The following RANBP10 variants were observed in gnomAD, a reference collection of about 807,000 sequenced individuals.
RANBP10 encodes RAN binding protein 10.
In RANBP10, 24 loss-of-function variants were observed where a neutral mutation model predicts 72.8. The ratio of observed to expected loss-of-function variants is 0.33; its 90% confidence interval spans 0.24 to 0.46. The LOEUF (loss-of-function observed/expected upper bound fraction) is 0.46. Ranked by LOEUF, RANBP10 falls within the 20% of genes least tolerant of loss-of-function variation. The pLI, the probability that RANBP10 is intolerant of heterozygous loss-of-function variation, is 1.00. For missense variants in RANBP10, 679 were observed against 817.5 expected, an observed-to-expected ratio of 0.83 and a Z score of 2.07; for synonymous variants, 310 against 322.3, an observed-to-expected ratio of 0.96 and a Z score of 0.41.
intron 3 of RANBP10, among the ~76,000 whole-genome samples, chr16:67,747,914 A>T (rs1223326923): frequency 1.4e-5 from 2 of 143,924 alleles, no homozygotes; most frequent in Non-Finnish European, 3.0e-5. Context: ...TCCGCCTCCC[A>T]GGTTCACGCC....
At chr16:67,749,660 AG>A (rs1394453428) in intron 3 of RANBP10, among the ~76,000 whole-genome samples, 1 of 152,190 alleles carries the variant, frequency 6.6e-6, no homozygotes, top group Non-Finnish European at 1.5e-5. Flanking sequence ...ATTTGACCTC[AG>A]AGAAATAGCT....
chr16:67,790,127 G>A (rs2054996965), intron 2 of RANBP10, among the ~76,000 whole-genome samples: 1 of 151,224 alleles, frequency 6.6e-6, no homozygotes, highest in Non-Finnish European at 1.5e-5. Flanking sequence ...AAGAAGAAAT[G>A]AAGTTATGAA....
At chr16:67,745,625 G>A (rs1033237302) in intron 3 of RANBP10, among the ~76,000 whole-genome samples, 3 of 152,038 alleles carry the variant, frequency 2.0e-5, no homozygotes, top group Non-Finnish European at 4.4e-5. Context: ...GTGAGCCACC[G>A]TACCTGGCCG....
chr16:67,775,497 T>A (rs917520966), intron 2 of RANBP10, among the ~76,000 whole-genome samples: 16 of 151,930 alleles, frequency 1.1e-4, no homozygotes, highest in Admixed American at 4.6e-4. Flanking sequence ...CTATCTCTGT[T>A]CACAGATGAC....
Position 67,723,191 on chromosome 16 carries a change from A to G in RANBP10, c.*3237T>C, listed in dbSNP as rs2053556162. ...GTTAGAGTTCTCTCTCCATCCTCCC[A>G]CACCCACAAGTTTCATGCTAATGCC... On this transcript the variant is annotated 3_prime_UTR_variant, in exon 14 of 14. Coordinates refer to ENST00000317506, the MANE Select transcript of RANBP10 (RefSeq NM_020850.3). The G allele has an allele frequency of 6.6e-6, 1 of 152,544 alleles. No homozygotes were observed. Among genetic ancestry groups the G allele is most frequent in the Admixed American group, 6.6e-5 (1 of 15,266 alleles). 9.4% of individuals were successfully genotyped at this position (152,544 alleles called of 1,614,324 possible). A position where few individuals can be genotyped will look rare whatever the true frequency, so the allele number is the denominator to read the frequency against.
At chr16:67,769,641 G>A (rs563559657) in intron 3 of RANBP10, among the ~76,000 whole-genome samples, 1 of 148,910 alleles carries the variant, frequency 6.7e-6, no homozygotes, top group East Asian at 2.0e-4. Flanking sequence ...AGCTACTCCG[G>A]AGGCTGAGGC....
chr16:67,801,192 A>G, intron 2 of RANBP10, among the ~76,000 whole-genome samples: 1 of 152,204 alleles, frequency 6.6e-6, no homozygotes, highest in Non-Finnish European at 1.5e-5. Flanking sequence ...TCAAATCTAC[A>G]GAAAAGCAAG....
chr16:67,734,428 T>C (rs2053797675), intron 6 of RANBP10, among the ~76,000 whole-genome samples: 1 of 152,330 alleles, frequency 6.6e-6, no homozygotes, highest in Non-Finnish European at 1.5e-5. Flanking sequence ...ACCACCGCTA[T>C]AGACGAATGA....
In RANBP10 at chr16:67,729,478, T is replaced by C; in HGVS notation, c.1154A>G (p.Asp385Gly). The change falls in exon 10 of 14, where the codon GAC becomes GGC. Residue 385 changes from aspartate (D) to glycine (G), a missense_variant. Coordinates refer to ENST00000317506, the MANE Select transcript of RANBP10 (RefSeq NM_020850.3). The surrounding 1 kb of genome is among the most constrained non-coding windows in gnomAD (Gnocchi z 7.1). Reference protein sequence around the residue: ...SSSHMHNTGADSPSCSNGVAS... With the variant: ...SSSHMHNTGAGSPSCSNGVAS... ...GACGCCATTGCTACAGCTGGGACTG[T>C]CTGCTCCTAGAAGCCAGGGTGACAG... 1 of 1,611,674 alleles carries C rather than the reference T, an allele frequency of 6.2e-7. No homozygotes were observed. The highest frequency in any genetic ancestry group is 8.5e-7 in the Non-Finnish European group (1 of 1,179,106).
At chr16:67,771,902 C>A (rs2054613252) in intron 3 of RANBP10, 132 bp downstream of exon 3, 3 of 1,050,576 alleles carry the variant, frequency 2.9e-6, no homozygotes, top group Non-Finnish European at 4.2e-6. Context: ...TCAGGATCCT[C>A]CAACCAGTAG....
chr16:67,729,453 G>A lies in RANBP10; in HGVS notation c.1179C>T (p.Val393=), dbSNP rs775433098. 2 of 1,613,062 alleles carry A rather than the reference G, an allele frequency of 1.2e-6. No homozygotes were observed. The highest frequency in any genetic ancestry group is 1.7e-6 in the Non-Finnish European group (2 of 1,179,772). Reference sequence around the variant, plus strand: ...GGTTCTGTTTGCTCTTGGTGGACGCGACGCCATTGCTACAGCTGGGACTGT... The same window carrying A: ...GGTTCTGTTTGCTCTTGGTGGACGCAACGCCATTGCTACAGCTGGGACTGT... ...GADSPSCSNG[V]ASTKSKQNHS... Residue 393 remains valine, a synonymous_variant, in exon 10 of 14, where the codon GTC becomes GTT. Transcript: ENST00000317506. The surrounding 1 kb of genome is among the most constrained non-coding windows in gnomAD (Gnocchi z 7.1).
chr16:67,734,821 G>A, intron 6 of RANBP10, 37 bp downstream of exon 6: 6 of 1,512,560 alleles, frequency 4.0e-6, no homozygotes, highest in Non-Finnish European at 5.3e-6. Flanking sequence ...GGCTGGGGTG[G>A]GGTGGGAGTG....
At chr16:67,768,009 T>G (rs1031598167) in intron 3 of RANBP10, among the ~76,000 whole-genome samples, 2 of 150,106 alleles carry the variant, frequency 1.3e-5, no homozygotes, top group African/African-American at 4.9e-5. Flanking sequence ...AAAGTTGCAG[T>G]GAACCATATC....
chr16:67,775,699 G>A (rs1205711467), intron 2 of RANBP10, among the ~76,000 whole-genome samples: 1 of 146,404 alleles, frequency 6.8e-6, no homozygotes, highest in Non-Finnish European at 1.5e-5. Flanking sequence ...CAGCTGCTTA[G>A]AAGACTGAGG....
intron 2 of RANBP10, among the ~76,000 whole-genome samples, chr16:67,801,758 C>T (rs2055237924): frequency 6.6e-6 from 1 of 151,796 alleles, no homozygotes; most frequent in Admixed American, 6.6e-5. Context: ...AGTTGGAGAC[C>T]AGCCTAGACA....
intron 6 of RANBP10, among the ~76,000 whole-genome samples, chr16:67,731,973 C>G (rs145869778): frequency 1.5e-3 from 233 of 152,270 alleles, no homozygotes; most frequent in Non-Finnish European, 2.9e-3. Flanking sequence ...GATAGCTTCC[C>G]GAAACTGCAG....
At chr16:67,750,096 T>C (rs1428533632) in intron 3 of RANBP10, among the ~76,000 whole-genome samples, 1 of 152,226 alleles carries the variant, frequency 6.6e-6, no homozygotes, top group East Asian at 1.9e-4. Flanking sequence ...ACAACAGATG[T>C]TGCCAGGGGT....
At chr16:67,775,790 T>TAAAAA (rs34379359) in intron 2 of RANBP10, among the ~76,000 whole-genome samples, 2 of 76,748 alleles carry the variant, frequency 2.6e-5, no homozygotes, top group Admixed American at 1.5e-4. Context: ...AGACTCCGTC[T>TAAAAA]AAAAAAAAAA....
chr16:67,795,052 T>C (rs2055104233), intron 2 of RANBP10, among the ~76,000 whole-genome samples: 1 of 149,640 alleles, frequency 6.7e-6, no homozygotes, highest in South Asian at 2.1e-4. Context: ...CCCAGGAAGA[T>C]CACCCTGGGC....
Sources: gnomAD v4.1 joint callset for allele counts (sites outside exome capture counted in the v4.1 genomes callset) on GRCh38, gnomAD v4.1.1 for gene constraint, Gnocchi (gnomAD v3.1) non-coding constraint, MANE v1.5 for transcripts, NCBI Gene and HGNC (gene_info 2026-07-23, HGNC 2026-07-21) for gene names.